The following COBL variants were observed in gnomAD, a reference collection of about 807,000 sequenced individuals.
COBL encodes cordon-bleu WH2 repeat protein.
Under a neutral mutation model 98.8 loss-of-function variants are expected in COBL, and 51 were observed. That is an observed-to-expected ratio of 0.52 (90% confidence interval 0.41 to 0.65). The LOEUF (loss-of-function observed/expected upper bound fraction) is 0.65. Ranked by LOEUF, COBL falls within the 30% of genes least tolerant of loss-of-function variation. The pLI is 0.00. For synonymous variants in COBL, 634 were observed against 651.7 expected (o/e 0.97, Z 0.41); for missense variants, 1,617 against 1,617.5 (o/e 1.00, Z 0.01).
At chr7:51,151,440 C>T (rs552322516) in intron 5 of COBL, among the ~76,000 whole-genome samples, 10 of 152,228 alleles carry the variant, frequency 6.6e-5, no homozygotes, top group South Asian at 2.1e-4. Context: ...CCCACTCTGG[C>T]GTCGCACCTG....
chr7:51,227,369 C>T (rs529177772), intron 1 of COBL, among the ~76,000 whole-genome samples: 12 of 152,254 alleles, frequency 7.9e-5, no homozygotes, highest in African/African-American at 2.6e-4. Flanking sequence ...GAAGGACGTG[C>T]CCCGGCATGA....
intron 1 of COBL, among the ~76,000 whole-genome samples, chr7:51,276,317 C>T (rs1208421519): frequency 6.6e-6 from 1 of 152,204 alleles, no homozygotes; most frequent in Non-Finnish European, 1.5e-5. Context: ...TAAGTTGGTC[C>T]TGCTGTGGCT....
At chr7:51,175,764 C>G (rs1375483220) in intron 5 of COBL, among the ~76,000 whole-genome samples, 1 of 152,192 alleles carries the variant, frequency 6.6e-6, no homozygotes, top group African/African-American at 2.4e-5. Context: ...TCTGGCTTGC[C>G]TGATGGCAGA....
intron 6 of COBL, among the ~76,000 whole-genome samples, chr7:51,089,524 C>A (rs1057008968): frequency 2.0e-5 from 3 of 150,210 alleles, no homozygotes; most frequent in Admixed American, 6.6e-5. Context: ...TAAAAAAAAA[C>A]AAAAAACAAA....
chr7:51,025,420 A>C, intron 11 of COBL, 48 bp from the exon 12 acceptor site: 1 of 1,598,966 alleles, frequency 6.3e-7, no homozygotes, highest in Non-Finnish European at 8.5e-7. Flanking sequence ...ATGTCTCCCA[A>C]AATTCAGCTG....
intron 5 of COBL, among the ~76,000 whole-genome samples, chr7:51,183,236 T>A (rs1211677002): frequency 1.3e-5 from 2 of 152,114 alleles, no homozygotes; most frequent in Admixed American, 6.5e-5. Flanking sequence ...AGTCTTCACA[T>A]CTCTTGTAGA....
rs752285933 is a variant in COBL, at chr7:51,028,763, T to C, written c.2333A>G (p.Lys778Arg). Residue 778 changes from lysine to arginine, a missense_variant, in exon 10 of 13, where the codon AAA becomes AGA. Physicochemically the swap from Lys to Arg is conservative, Grantham distance 26. This residue lies in a region of COBL where 1,304 missense variants were observed against 1,282.0 expected (regional missense o/e 1.02). Transcript: ENST00000265136. Reference protein sequence around the residue: ...REFWRCNSVEKHLGRPSESSA... With the variant: ...REFWRCNSVERHLGRPSESSA... Reference sequence around the variant, plus strand: ...GCTCTCTGAGGGTCGGCCCAGGTGTTTTTCCACAGAGTTGCACCTCCAGAA... The same window carrying C: ...GCTCTCTGAGGGTCGGCCCAGGTGTCTTTCCACAGAGTTGCACCTCCAGAA... 18 of 1,614,144 alleles carry C rather than the reference T, an allele frequency of 1.1e-5. No homozygotes were observed. The South Asian group carries it at 1.6e-4, about 15-fold the overall frequency.
chr7:51,120,222 G>C (rs1797627637), intron 6 of COBL, among the ~76,000 whole-genome samples: 1 of 152,120 alleles, frequency 6.6e-6, no homozygotes, highest in Non-Finnish European at 1.5e-5. Context: ...ACATACAAAG[G>C]AGAAAGAAAA....
intron 5 of COBL, among the ~76,000 whole-genome samples, chr7:51,163,998 G>T (rs1339516763): frequency 6.6e-6 from 1 of 152,202 alleles, no homozygotes; most frequent in Non-Finnish European, 1.5e-5. Flanking sequence ...TGAAAAAGGT[G>T]TAGTAACAAA....
At chr7:51,125,380 C>T (rs987882870) in intron 6 of COBL, among the ~76,000 whole-genome samples, 2 of 152,040 alleles carry the variant, frequency 1.3e-5, no homozygotes, top group Non-Finnish European at 2.9e-5. Context: ...TGGTCTTGAA[C>T]TTCCAGCCTC....
intron 6 of COBL, among the ~76,000 whole-genome samples, chr7:51,133,672 T>C (rs1798957849): frequency 6.6e-6 from 1 of 152,306 alleles, no homozygotes; most frequent in African/African-American, 2.4e-5. Context: ...AGTTTCCACA[T>C]AATAAAAGCT....
intron 7 of COBL, among the ~76,000 whole-genome samples, chr7:51,047,112 G>A (rs1789785936): frequency 6.6e-6 from 1 of 152,190 alleles, no homozygotes; most frequent in African/African-American, 2.4e-5. Flanking sequence ...GTTAATTAAT[G>A]CACTGGCAAC....
intron 6 of COBL, among the ~76,000 whole-genome samples, chr7:51,107,331 G>A (rs913243507): frequency 6.6e-6 from 1 of 151,958 alleles, no homozygotes; most frequent in Non-Finnish European, 1.5e-5. Context: ...CTGACCTCGT[G>A]ATTTGCCCAC....
intron 6 of COBL, among the ~76,000 whole-genome samples, chr7:51,127,877 G>C (rs1373940712): frequency 6.6e-6 from 1 of 152,196 alleles, no homozygotes; most frequent in African/African-American, 2.4e-5. Context: ...CATTGTTCTT[G>C]ACCTTCACTG....
At chr7:51,258,889 T>C (rs1797436140) in intron 1 of COBL, among the ~76,000 whole-genome samples, 1 of 152,234 alleles carries the variant, frequency 6.6e-6, no homozygotes, top group Non-Finnish European at 1.5e-5. Flanking sequence ...TCTTAGGCTA[T>C]GCATAGCCTA....
At chr7:51,073,523 T>C (rs936117480) in intron 7 of COBL, 3 of 460,104 alleles carry the variant, frequency 6.5e-6, no homozygotes, top group East Asian at 3.3e-5. Flanking sequence ...CATATTGTTA[T>C]TGTTTTCTTC....
At chr7:51,114,132 G>A (rs1797071604) in intron 6 of COBL, among the ~76,000 whole-genome samples, 1 of 152,192 alleles carries the variant, frequency 6.6e-6, no homozygotes, top group Non-Finnish European at 1.5e-5. Flanking sequence ...GGAGCCTGCT[G>A]GGGAGGTCTA....
rs531731416 is a variant in COBL, at chr7:51,121,417, TATCAC to T, written c.957+14736_957+14740del. ...GGAGTTCTCCATACAACACATCCCT[TATCAC>T]ATACATAATTTGCAAATATCTTCTC... On this transcript the variant is annotated intron_variant, in intron 6 of 12. Coordinates refer to ENST00000265136, the MANE Select transcript of COBL (RefSeq NM_015198.5). Among the ~76,000 whole-genome samples, 481 of 152,348 alleles carry T rather than the reference TATCAC, an allele frequency of 3.2e-3. 14 individuals are homozygous for T. Among genetic ancestry groups the T allele is most frequent in the Non-Finnish European group, 4.0e-4 (27 of 68,036 alleles).
In COBL at chr7:51,186,063, T is replaced by C. The variant is rs530288676; in HGVS notation, c.686-1864A>G. ...TGGTGCAGCAGCACCAATGCATGTG[T>C]GCAAACGCGCTGTAAAGTTAGTTGC... On this transcript the variant is annotated intron_variant, in intron 4 of 12. Coordinates refer to ENST00000265136, the MANE Select transcript of COBL (RefSeq NM_015198.5). 3.2e-4 allele frequency among the ~76,000 whole-genome samples: 48 copies of C among 152,360 alleles called. No homozygotes were observed. The South Asian group carries it at 9.5e-3, about 30-fold the overall frequency.
Sources: allele counts gnomAD v4.1 joint callset (sites outside exome capture counted in the v4.1 genomes callset), GRCh38; gene constraint gnomAD v4.1.1; regional missense constraint gnomAD v4.1.1; transcripts MANE v1.5; gene names NCBI Gene and HGNC (gene_info 2026-07-23, HGNC 2026-07-21).